KALRN: variants seen among roughly 807,000 people sequenced by gnomAD.
KALRN encodes the protein kalirin.
A neutral mutation model predicts 353.7 loss-of-function variants in KALRN; 70 were observed. That is an observed-to-expected ratio of 0.20 (90% CI 0.16 to 0.24). The LOEUF (loss-of-function observed/expected upper bound fraction) is 0.24. Ranked by LOEUF, KALRN falls within the 10% of genes least tolerant of loss-of-function variation. The probability of loss-of-function intolerance (pLI) is 1.00; values close to 1 mark genes in which losing one functional copy is unlikely to be tolerated. For missense variants in KALRN, 2,791 were observed against 3,756.7 expected (o/e 0.74, Z 6.72); for synonymous variants, 1,391 against 1,434.8 (o/e 0.97, Z 0.69).
intron 1 of KALRN, among the ~76,000 whole-genome samples, chr3:124,043,027 C>G (rs756630517): frequency 9.9e-5 from 15 of 152,122 alleles, no homozygotes; most frequent in Non-Finnish European, 1.8e-4. Context: ...GGAGGAGAAC[C>G]AGGAGAGAGC....
At chr3:124,463,879 T>C (rs1187552525) in intron 25 of KALRN, among the ~76,000 whole-genome samples, 1 of 152,200 alleles carries the variant, frequency 6.6e-6, no homozygotes, top group Non-Finnish European at 1.5e-5. Flanking sequence ...CATGCAAACC[T>C]TGTGAGATTA....
At chr3:124,260,517 T>A (rs2072694740) in intron 3 of KALRN, among the ~76,000 whole-genome samples, 1 of 152,056 alleles carries the variant, frequency 6.6e-6, no homozygotes, top group Admixed American at 6.6e-5. Flanking sequence ...GTACACATAA[T>A]GGTGGTGTTA....
intron 13 of KALRN, among the ~76,000 whole-genome samples, chr3:124,399,147 T>C (rs1357099422): frequency 1.3e-5 from 2 of 152,072 alleles, no homozygotes; most frequent in African/African-American, 4.8e-5. Flanking sequence ...TTGTTTTGTT[T>C]TGTTCTGTTG....
chr3:124,372,406 G>C (rs1482143756), intron 10 of KALRN, among the ~76,000 whole-genome samples: 27 of 151,876 alleles, frequency 1.8e-4, no homozygotes, highest in Non-Finnish European at 3.7e-4. Flanking sequence ...GTTTTGCCCA[G>C]GATCAAACAA....
At chr3:124,343,921 T>G (rs1300835863) in intron 9 of KALRN, among the ~76,000 whole-genome samples, 6 of 152,148 alleles carry the variant, frequency 3.9e-5, no homozygotes, top group Admixed American at 3.9e-4. Flanking sequence ...GACTATTAAA[T>G]AAATGTCCGA....
intron 1 of KALRN, among the ~76,000 whole-genome samples, chr3:124,146,899 A>AG (rs1160983429): frequency 1.3e-5 from 2 of 148,636 alleles, no homozygotes; most frequent in Non-Finnish European, 3.0e-5. Context: ...AAAAAAGAAA[A>AG]GAAAAAAAAA....
intron 33 of KALRN, among the ~76,000 whole-genome samples, chr3:124,512,731 ATG>A (rs1398679002): frequency 6.6e-6 from 1 of 152,100 alleles, no homozygotes; most frequent in Admixed American, 6.6e-5. Flanking sequence ...GTGTGTTTGT[ATG>A]TGTGTTTATG....
At chr3:124,615,026 A>C (rs183532463) in intron 34 of KALRN, among the ~76,000 whole-genome samples, 1 of 152,272 alleles carries the variant, frequency 6.6e-6, no homozygotes, top group South Asian at 2.1e-4. Flanking sequence ...TTTGTCACAT[A>C]TATGACCAGG....
Position 124,488,186 on chromosome 3 carries a change from G to A in KALRN, c.4285-18G>A, listed in dbSNP as rs749894107. The A allele has an allele frequency of 1.7e-5, 26 of 1,559,502 alleles. No individual in the cohort carries two copies. Among genetic ancestry groups the A allele is most frequent in the African/African-American group, 4.1e-5 (3 of 73,894 alleles). On this transcript the variant is annotated intron_variant, in intron 28 of 59. Transcript: ENST00000682506. Reference sequence around the variant, plus strand: ...GGGGGAGATGGCCCTAATTATGTCCGGACTTTTTTTTCCCCAGGAACTTTT... The same window carrying A: ...GGGGGAGATGGCCCTAATTATGTCCAGACTTTTTTTTCCCCAGGAACTTTT...
At chr3:124,044,844 T>G (rs1171657473) in intron 1 of KALRN, among the ~76,000 whole-genome samples, 1 of 22,958 alleles carries the variant, frequency 4.4e-5, no homozygotes, top group Non-Finnish European at 1.8e-4. Flanking sequence ...CCTCCCTCCC[T>G]CCCTCCCTCC....
At chr3:124,480,071 T>G (rs1345303837) in intron 27 of KALRN, among the ~76,000 whole-genome samples, 3 of 152,184 alleles carry the variant, frequency 2.0e-5, no homozygotes, top group Non-Finnish European at 2.9e-5. Context: ...ATGTCTAAGC[T>G]TGGTTTGACT....
At chr3:124,311,557 G>GTAT (rs2078275619) in intron 6 of KALRN, among the ~76,000 whole-genome samples, 1 of 152,172 alleles carries the variant, frequency 6.6e-6, no homozygotes, top group Admixed American at 6.5e-5. Context: ...GTGTAAAATG[G>GTAT]TATAACTACT....
At chr3:124,362,605 C>A (rs1307367086) in intron 10 of KALRN, among the ~76,000 whole-genome samples, 4 of 152,248 alleles carry the variant, frequency 2.6e-5, no homozygotes, top group Non-Finnish European at 5.9e-5. Context: ...GCAACTTCAG[C>A]TATAATTACA....
chr3:124,197,477 A>G (rs2075558648), intron 1 of KALRN, among the ~76,000 whole-genome samples: 1 of 152,218 alleles, frequency 6.6e-6, no homozygotes, highest in Admixed American at 6.5e-5. Context: ...CGTAGATCCC[A>G]GATTCTACCA....
chr3:124,227,663 G>GTTT (rs747087120), intron 1 of KALRN, among the ~76,000 whole-genome samples: 925 of 69,204 alleles, frequency 0.013, 118 homozygotes, highest in Non-Finnish European at 0.019. Context: ...CAACAGGGCT[G>GTTT]TTTTTTTTTT....
intron 58 of KALRN, among the ~76,000 whole-genome samples, chr3:124,714,566 G>T (rs1180441712): frequency 2.6e-5 from 4 of 152,182 alleles, no homozygotes; most frequent in Non-Finnish European, 5.9e-5. Flanking sequence ...CAGAGATGTT[G>T]CAGGGATTAA....
At chr3:124,399,913 A>G (rs540224090) in intron 13 of KALRN, among the ~76,000 whole-genome samples, 7 of 152,338 alleles carry the variant, frequency 4.6e-5, no homozygotes, top group South Asian at 2.1e-4. Flanking sequence ...GGAATATCCA[A>G]CATAAGGCAC....
At chr3:124,674,863 A>G (rs985903298) in intron 49 of KALRN, 13 of 398,730 alleles carry the variant, frequency 3.3e-5, no homozygotes, top group Non-Finnish European at 5.3e-5. Flanking sequence ...TTTTCTGTTC[A>G]TTTTTCCCCC....
At chr3:124,044,254 G>C (rs1215296673) in intron 1 of KALRN, among the ~76,000 whole-genome samples, 1 of 152,176 alleles carries the variant, frequency 6.6e-6, no homozygotes, top group Non-Finnish European at 1.5e-5. Flanking sequence ...CAGAGGGCTG[G>C]GGAGTAGGAA....
Sources: gnomAD v4.1 joint callset for allele counts (sites outside exome capture counted in the v4.1 genomes callset) on GRCh38, gnomAD v4.1.1 for gene constraint, MANE v1.5 for transcripts, NCBI Gene and HGNC (gene_info 2026-07-23, HGNC 2026-07-21) for gene names.